The following IGSF21 variants were observed in gnomAD, a reference collection of about 807,000 sequenced individuals.
IGSF21 encodes the protein immunoglobulin superfamily member 21.
A neutral mutation model predicts 46.8 loss-of-function variants in IGSF21; 28 were observed. The observed-to-expected ratio is 0.60, with a 90% confidence interval of 0.44 to 0.82. The LOEUF (loss-of-function observed/expected upper bound fraction) is 0.82, where lower values mean the gene tolerates loss of function less well. Among genes scored for constraint, IGSF21 ranks in the 40% least tolerant of loss-of-function variants. IGSF21 has a pLI of 0.00. For missense variants in IGSF21, 624 were observed against 665.5 expected (o/e 0.94, Z 0.69); for synonymous variants, 284 against 273.6 (o/e 1.04, Z -0.38).
intron 1 of IGSF21, among the ~76,000 whole-genome samples, chr1:18,141,488 T>A (rs2086414784): frequency 6.6e-6 from 1 of 151,834 alleles, no homozygotes; most frequent in Non-Finnish European, 1.5e-5. Flanking sequence ...AACACAGGGA[T>A]GTAGGGCAGG....
intron 1 of IGSF21, among the ~76,000 whole-genome samples, chr1:18,190,795 C>T (rs938727244): frequency 1.2e-4 from 18 of 152,202 alleles, no homozygotes; most frequent in Non-Finnish European, 8.8e-5. Context: ...CCAGCTATCA[C>T]GCCATCTCCC....
intron 4 of IGSF21, among the ~76,000 whole-genome samples, chr1:18,351,111 T>C (rs1489317486): frequency 6.6e-6 from 1 of 151,994 alleles, no homozygotes; most frequent in Non-Finnish European, 1.5e-5. Flanking sequence ...ATGACGGCCA[T>C]GTCGCAGAGA....
chr1:18,329,505 C>A (rs1467917854), intron 3 of IGSF21, among the ~76,000 whole-genome samples: 1 of 152,164 alleles, frequency 6.6e-6, no homozygotes, highest in East Asian at 1.9e-4. Flanking sequence ...GAGCACCTAC[C>A]AAGTGACCAG....
chr1:18,238,499 G>GAGCGGTTT (rs2084693929), intron 2 of IGSF21, among the ~76,000 whole-genome samples: 1 of 152,196 alleles, frequency 6.6e-6, no homozygotes, highest in Non-Finnish European at 1.5e-5. Flanking sequence ...GCTTGAAGGG[G>GAGCGGTTT]AGCGGTTTTT....
intron 1 of IGSF21, among the ~76,000 whole-genome samples, chr1:18,184,065 G>T (rs561036652): frequency 5.8e-4 from 88 of 152,170 alleles, no homozygotes; most frequent in African/African-American, 1.9e-3. Context: ...CTGGAGTCTG[G>T]GTTCACATTT....
At chr1:18,136,362 G>T (rs548181853) in intron 1 of IGSF21, among the ~76,000 whole-genome samples, 1 of 152,240 alleles carries the variant, frequency 6.6e-6, no homozygotes, top group African/African-American at 2.4e-5. Context: ...GTATTGCCTA[G>T]GTTTTCTTCT....
At chr1:18,248,906 C>G (rs1441061486) in intron 2 of IGSF21, among the ~76,000 whole-genome samples, 2 of 151,998 alleles carry the variant, frequency 1.3e-5, no homozygotes, top group Non-Finnish European at 2.9e-5. Flanking sequence ...CATGGACCCC[C>G]CCAAGCCAGA....
chr1:18,334,901 G>T lies in IGSF21; in HGVS notation c.315G>T (p.Glu105Asp). 6.2e-7 allele frequency: 1 copy of T among 1,613,836 alleles called. No individual in the cohort carries two copies. The highest frequency in any genetic ancestry group is 8.5e-7 in the Non-Finnish European group (1 of 1,179,784). The change falls in exon 4 of 10, where the codon GAG becomes GAT. Residue 105 changes from glutamate to aspartate, a missense_variant. By Grantham distance (45) the Glu-to-Asp change is conservative. Coordinates refer to ENST00000251296, the MANE Select transcript of IGSF21 (RefSeq NM_032880.5). This position sits in a 1 kb window ranked among gnomAD's most constrained non-coding sequence, Gnocchi z 4.3. ...CTTCTGCCTCCCCCAGGCTGCCCGA[G>T]GTCCGGATCTCAGACAATGGTCCCT... The part of the protein sequence containing the change: ...LVYQSTVRLP[E>D]VRISDNGPYE...
chr1:18,364,690 T>C (rs747794560), intron 5 of IGSF21, among the ~76,000 whole-genome samples: 15 of 152,130 alleles, frequency 9.9e-5, no homozygotes, highest in Admixed American at 2.0e-4. Flanking sequence ...CTCCCACACA[T>C]GCACCTGTTT....
intron 6 of IGSF21, among the ~76,000 whole-genome samples, chr1:18,372,736 G>T (rs2086239445): frequency 6.6e-6 from 1 of 151,294 alleles, no homozygotes; most frequent in Admixed American, 6.6e-5. Context: ...GTGTTTAGAT[G>T]GATGAATGGA....
At position 18,376,877 on chromosome 1, in the gene IGSF21, C is replaced by A. The variant is rs766934886; in HGVS notation, c.1179C>A (p.Asp393Glu). The A allele has an allele frequency of 1.2e-6, 2 of 1,612,892 alleles. No individual in the cohort carries two copies. Among genetic ancestry groups the A allele is most frequent in the East Asian group, 2.2e-5 (1 of 44,826 alleles). The change falls in exon 8 of 10, where the codon GAC (aspartate) becomes GAA (glutamate). Residue 393 changes from aspartate (D) to glutamate (E), a missense_variant. Transcript: ENST00000251296. Reference protein sequence around the residue: ...SRLLDGSAEFDGKELVLERVP... With the variant: ...SRLLDGSAEFEGKELVLERVP... ...TCCTGGACGGCAGCGCTGAGTTCGACGGGAAGGAGCTGGTGCTGGAGCGGG... is the reference window on the plus strand; with the variant it reads ...TCCTGGACGGCAGCGCTGAGTTCGAAGGGAAGGAGCTGGTGCTGGAGCGGG...
At chr1:18,262,248 C>A (rs1304202654) in intron 2 of IGSF21, among the ~76,000 whole-genome samples, 1 of 152,164 alleles carries the variant, frequency 6.6e-6, no homozygotes, top group Admixed American at 6.5e-5. Flanking sequence ...CGCATCTGTC[C>A]TTGTTGAGGG....
At chr1:18,124,137 G>GCCCCT (rs1170379325) in intron 1 of IGSF21, among the ~76,000 whole-genome samples, 1 of 152,234 alleles carries the variant, frequency 6.6e-6, no homozygotes, top group African/African-American at 2.4e-5. Flanking sequence ...TTATAAAGCA[G>GCCCCT]CCCCTCTCGG....
intron 3 of IGSF21, among the ~76,000 whole-genome samples, chr1:18,332,597 A>G (rs748822097): frequency 7.2e-5 from 11 of 152,064 alleles, no homozygotes; most frequent in Non-Finnish European, 1.6e-4. Context: ...CTGAGTTACA[A>G]ACAAAGAAAA....
chr1:18,206,548 CAA>C (rs1182210491), intron 1 of IGSF21, among the ~76,000 whole-genome samples: 46 of 78,760 alleles, frequency 5.8e-4, no homozygotes, highest in South Asian at 2.6e-3. Context: ...GACCCCGTCT[CAA>C]AAAAAAAAAA....
chr1:18,363,780 GGT>G (rs747518255), intron 5 of IGSF21, among the ~76,000 whole-genome samples: 1 of 151,684 alleles, frequency 6.6e-6, no homozygotes, highest in Non-Finnish European at 1.5e-5. Flanking sequence ...CAGAGGCACA[GGT>G]GGGATTGTGG....
At chr1:18,367,053 T>C (rs570149426) in intron 6 of IGSF21, among the ~76,000 whole-genome samples, 2 of 152,278 alleles carry the variant, frequency 1.3e-5, no homozygotes, top group South Asian at 4.1e-4. Flanking sequence ...CAGCAGCTCC[T>C]CCCTGAGCCC....
rs1398658242 is a variant in IGSF21 at position 18,365,341 on chromosome 1, T to A, written c.659T>A (p.Leu220Gln). Residue 220 changes from leucine (L) to glutamine (Q), a missense_variant, in exon 6 of 10, where the codon CTG becomes CAG. Leu to Gln is a moderately radical substitution (Grantham distance 113, BLOSUM62 -2). Transcript: ENST00000251296. The surrounding 1 kb of genome is among the most constrained non-coding windows in gnomAD (Gnocchi z 4.8). The stretch of plus-strand genomic sequence containing the variant: ...TTCCGCAGCCTTCTGCACCGTGACC[T>A]GGATGACACCAAGATGCAGAAGTCA... ...RPFRSLLHRD[L>Q]DDTKMQKSLS... 1 of 1,614,060 alleles carries A rather than the reference T, an allele frequency of 6.2e-7. No individual in the cohort carries two copies. The highest frequency in any genetic ancestry group is 8.5e-7 in the Non-Finnish European group (1 of 1,180,000).
chr1:18,367,418 T>G (rs2086177323), intron 6 of IGSF21, among the ~76,000 whole-genome samples: 1 of 152,088 alleles, frequency 6.6e-6, no homozygotes, highest in Admixed American at 6.5e-5. Context: ...TAGAGTACTT[T>G]GCCAAGTCGT....
Sources: gnomAD v4.1 joint callset for allele counts (sites outside exome capture counted in the v4.1 genomes callset) on GRCh38, gnomAD v4.1.1 for gene constraint, Gnocchi (gnomAD v3.1) non-coding constraint, MANE v1.5 for transcripts, NCBI Gene and HGNC (gene_info 2026-07-23, HGNC 2026-07-21) for gene names.